Variants in UNC5D observed in about 807,000 individuals in gnomAD.
UNC5D encodes unc-5 netrin receptor D, also known as netrin receptor UNC5D.
Under a neutral mutation model 105.4 loss-of-function variants are expected in UNC5D, and 39 were observed. The observed-to-expected ratio is 0.37, with a 90% CI of 0.29 to 0.48. The LOEUF is 0.48. UNC5D is among the 20% of genes least tolerant of loss of function. The pLI is 0.98. For missense variants in UNC5D, 991 were observed against 1,202.4 expected, an observed-to-expected ratio of 0.82 and a Z score of 2.60; for synonymous variants, 452 against 450.4, an observed-to-expected ratio of 1.00 and a Z score of -0.04.
At chr8:35,724,180 AT>A in intron 9 of UNC5D, 1 of 1,482,250 alleles carries the variant, frequency 6.7e-7, no homozygotes, top group Non-Finnish European at 8.9e-7. Flanking sequence ...ACTTATGTGT[AT>A]TGTAAATCTC....
intron 4 of UNC5D, among the ~76,000 whole-genome samples, chr8:35,605,557 A>G (rs1487883427): frequency 6.6e-6 from 1 of 151,824 alleles, no homozygotes; most frequent in African/African-American, 2.4e-5. Context: ...GAGAACCACT[A>G]CTCTCTTCAA....
intron 4 of UNC5D, among the ~76,000 whole-genome samples, chr8:35,629,264 G>T (rs555405966): frequency 6.6e-6 from 1 of 152,242 alleles, no homozygotes; most frequent in South Asian, 2.1e-4. Context: ...ATATCTCAGT[G>T]TGGTTTTAAT....
chr8:35,571,290 G>A (rs1817701920), intron 3 of UNC5D, among the ~76,000 whole-genome samples: 1 of 152,182 alleles, frequency 6.6e-6, no homozygotes, highest in Non-Finnish European at 1.5e-5. Flanking sequence ...TAATAAAGAT[G>A]TGATTTCTAA....
At chr8:35,607,853 CCCCTAA>C (rs148019427) in intron 4 of UNC5D, among the ~76,000 whole-genome samples, 1,752 of 151,742 alleles carry the variant, frequency 0.012, 33 homozygotes, top group African/African-American at 0.04. Flanking sequence ...CTAACCCTAA[CCCCTAA>C]CCCTAACCCT....
intron 1 of UNC5D, among the ~76,000 whole-genome samples, chr8:35,443,990 C>T (rs924359952): frequency 6.6e-6 from 1 of 151,916 alleles, no homozygotes; most frequent in Non-Finnish European, 1.5e-5. Flanking sequence ...CTCACTCATT[C>T]TTTAAACACA....
intron 4 of UNC5D, among the ~76,000 whole-genome samples, chr8:35,658,202 C>T (rs1823888780): frequency 6.6e-6 from 1 of 152,078 alleles, no homozygotes; most frequent in Non-Finnish European, 1.5e-5. Flanking sequence ...AGAGAAACAG[C>T]TTCTTTTTGT....
At chr8:35,716,343 A>G (rs958388540) in intron 8 of UNC5D, among the ~76,000 whole-genome samples, 1 of 152,222 alleles carries the variant, frequency 6.6e-6, no homozygotes, top group Non-Finnish European at 1.5e-5. Context: ...AGAAGTCAGC[A>G]TAAGGTTAGT....
chr8:35,454,219 G>A (rs915170062), intron 1 of UNC5D, among the ~76,000 whole-genome samples: 2 of 152,060 alleles, frequency 1.3e-5, no homozygotes, highest in Non-Finnish European at 2.9e-5. Flanking sequence ...CTCTTTAGCT[G>A]GGGGAGGGGG....
chr8:35,460,236 T>A (rs1225626870), intron 1 of UNC5D, among the ~76,000 whole-genome samples: 1 of 151,872 alleles, frequency 6.6e-6, no homozygotes, highest in Non-Finnish European at 1.5e-5. Flanking sequence ...AGAATGGGGG[T>A]AGGGGGGCAG....
At chr8:35,716,884 T>G (rs1229943476) in intron 8 of UNC5D, among the ~76,000 whole-genome samples, 2 of 152,232 alleles carry the variant, frequency 1.3e-5, no homozygotes, top group African/African-American at 2.4e-5. Context: ...ATAAACAACT[T>G]TAACAATAAC....
chr8:35,373,226 TA>T (rs1802521280), intron 1 of UNC5D, among the ~76,000 whole-genome samples: 1 of 152,194 alleles, frequency 6.6e-6, no homozygotes, highest in South Asian at 2.1e-4. Flanking sequence ...CATTTCAGAA[TA>T]GTTTTGCTTT....
rs117853711 is a variant in UNC5D, at chr8:35,289,185, A to G, written c.103+53298A>G. On this transcript the variant is annotated intron_variant, in intron 1 of 16. Transcript: ENST00000404895. ...AAAATGGTATTCCATGCAAATGGAAACTAAAAGGGAGCAATGATAACCAAC... is the reference window on the plus strand; with the variant it reads ...AAAATGGTATTCCATGCAAATGGAAGCTAAAAGGGAGCAATGATAACCAAC... Among the ~76,000 whole-genome samples, 321 of 152,348 alleles carry G rather than the reference A, an allele frequency of 2.1e-3. 8 individuals carry two copies. In the East Asian group the frequency reaches 0.053, roughly 25 times the overall value.
At chr8:35,482,400 C>G (rs1026272324) in intron 1 of UNC5D, among the ~76,000 whole-genome samples, 1 of 152,184 alleles carries the variant, frequency 6.6e-6, no homozygotes, top group Non-Finnish European at 1.5e-5. Context: ...GTCTCCGAAG[C>G]CTACGTGCTG....
chr8:35,563,943 C>A (rs1435408028), intron 2 of UNC5D, among the ~76,000 whole-genome samples: 7 of 152,050 alleles, frequency 4.6e-5, no homozygotes, highest in Non-Finnish European at 2.9e-5. Flanking sequence ...GAAGTGTCCT[C>A]ACCTCTCTGA....
intron 15 of UNC5D, among the ~76,000 whole-genome samples, chr8:35,770,950 C>CA (rs1343303569): frequency 6.6e-6 from 1 of 152,120 alleles, no homozygotes; most frequent in East Asian, 1.9e-4. Context: ...TGTTCCTCTG[C>CA]ATATTTAATT....
chr8:35,647,122 A>G (rs1823102432), intron 4 of UNC5D, among the ~76,000 whole-genome samples: 1 of 152,190 alleles, frequency 6.6e-6, no homozygotes, highest in South Asian at 2.1e-4. Context: ...TAAACAAAAC[A>G]AAACAAATGT....
intron 9 of UNC5D, among the ~76,000 whole-genome samples, chr8:35,724,766 G>A (rs1237311043): frequency 2.0e-5 from 3 of 152,148 alleles, no homozygotes; most frequent in Admixed American, 6.5e-5. Flanking sequence ...GGTCTCCGCA[G>A]AACCTCCTGT....
intron 4 of UNC5D, among the ~76,000 whole-genome samples, chr8:35,610,863 CA>C (rs1820629617): frequency 6.6e-6 from 1 of 151,918 alleles, no homozygotes; most frequent in Non-Finnish European, 1.5e-5. Flanking sequence ...GTCACGGTTG[CA>C]CAATGGGAAA....
At chr8:35,553,166 A>T (rs563935521) in intron 2 of UNC5D, among the ~76,000 whole-genome samples, 1 of 152,194 alleles carries the variant, frequency 6.6e-6, no homozygotes, top group African/African-American at 2.4e-5. Context: ...CCCTTCTCAT[A>T]TAAAGACCTC....
Sources: gnomAD v4.1 joint callset for allele counts (sites outside exome capture counted in the v4.1 genomes callset) on GRCh38, gnomAD v4.1.1 for gene constraint, MANE v1.5 for transcripts, NCBI Gene and HGNC (gene_info 2026-07-23, HGNC 2026-07-21) for gene names.